Variants in CCDC171 observed in about 807,000 individuals in gnomAD.
The protein encoded by CCDC171 is coiled-coil domain-containing protein 171.
In CCDC171, 177 loss-of-function variants were observed where a neutral mutation model predicts 168.2. That is an observed-to-expected ratio of 1.05 (90% CI 0.93 to 1.19). The LOEUF is 1.19. CCDC171 is among the 50% of genes most tolerant of loss of function. The probability of loss-of-function intolerance (pLI) is 0.00; values close to 1 mark genes in which losing one functional copy is unlikely to be tolerated. For missense variants in CCDC171, 1,991 were observed against 1,539.0 expected, an observed-to-expected ratio of 1.29 and a Z score of -4.91; for synonymous variants, 687 against 540.8, an observed-to-expected ratio of 1.27 and a Z score of -3.75.
At chr9:15,657,331 T>C in intron 8 of CCDC171, 112 bp downstream of exon 8, 1 of 621,428 alleles carries the variant, frequency 1.6e-6, no homozygotes, top group Non-Finnish European at 2.9e-6. Context: ...ATGGGTAACA[T>C]ATTGTTATGA....
At chr9:15,725,221 T>C (rs2053722758) in intron 14 of CCDC171, among the ~76,000 whole-genome samples, 1 of 152,196 alleles carries the variant, frequency 6.6e-6, no homozygotes, top group African/African-American at 2.4e-5. Flanking sequence ...TTTTTGGACT[T>C]TTAGAATATT....
At chr9:15,628,329 A>T (rs1187481288) in intron 7 of CCDC171, among the ~76,000 whole-genome samples, 3 of 152,122 alleles carry the variant, frequency 2.0e-5, no homozygotes, top group Non-Finnish European at 4.4e-5. Context: ...CCACCCCAAT[A>T]CTGCGCTTTT....
intron 7 of CCDC171, among the ~76,000 whole-genome samples, chr9:15,655,468 C>T (rs1242187491): frequency 6.6e-6 from 1 of 152,142 alleles, no homozygotes; most frequent in Non-Finnish European, 1.5e-5. Context: ...CCCAGGGGTG[C>T]ATTTTCTGAA....
intron 9 of CCDC171, among the ~76,000 whole-genome samples, chr9:15,672,877 T>C (rs1422041743): frequency 6.6e-6 from 1 of 152,232 alleles, no homozygotes; most frequent in Non-Finnish European, 1.5e-5. Context: ...AGTAGTTTTT[T>C]CCAGTTCTGT....
At chr9:15,649,654 A>T (rs1424748724) in intron 7 of CCDC171, among the ~76,000 whole-genome samples, 5 of 152,206 alleles carry the variant, frequency 3.3e-5, no homozygotes, top group Non-Finnish European at 7.3e-5. Context: ...AAAAATGCTC[A>T]TCATCACTGG....
chr9:15,735,667 A>G (rs1334031939), intron 16 of CCDC171, among the ~76,000 whole-genome samples: 1 of 152,192 alleles, frequency 6.6e-6, no homozygotes, highest in Non-Finnish European at 1.5e-5. Context: ...TTAGATGTTG[A>G]AACTTTTTTC....
intron 18 of CCDC171, among the ~76,000 whole-genome samples, chr9:15,774,246 T>TAAAA (rs56239417): frequency 7.1e-4 from 27 of 38,022 alleles, no homozygotes; most frequent in Admixed American, 2.0e-3. Context: ...ACGCTGTCTT[T>TAAAA]AAAAAAAAAA....
At chr9:15,755,037 T>A (rs1282623949) in intron 18 of CCDC171, among the ~76,000 whole-genome samples, 4 of 152,186 alleles carry the variant, frequency 2.6e-5, no homozygotes, top group Non-Finnish European at 5.9e-5. Flanking sequence ...AAGTTTATTC[T>A]CTGAATAGGA....
At chr9:15,679,311 A>C (rs1377103712) in intron 10 of CCDC171, among the ~76,000 whole-genome samples, 2 of 152,154 alleles carry the variant, frequency 1.3e-5, no homozygotes, top group Non-Finnish European at 2.9e-5. Flanking sequence ...CTTTTACACC[A>C]TCACCAAGTT....
chr9:15,871,711 T>C (rs2062045576), intron 23 of CCDC171, among the ~76,000 whole-genome samples: 1 of 151,924 alleles, frequency 6.6e-6, no homozygotes. Context: ...TTTCTTACTG[T>C]TCTGTGTTGA....
At chr9:15,906,191 G>T (rs935344141) in intron 24 of CCDC171, among the ~76,000 whole-genome samples, 18 of 152,280 alleles carry the variant, frequency 1.2e-4, no homozygotes, top group African/African-American at 4.3e-4. Flanking sequence ...GCATCATCCT[G>T]ATACCAAAGC....
At chr9:15,665,390 A>G (rs1431512007) in intron 8 of CCDC171, among the ~76,000 whole-genome samples, 1 of 152,232 alleles carries the variant, frequency 6.6e-6, no homozygotes, top group Admixed American at 6.5e-5. Context: ...ATAGTAAGAA[A>G]TCTCAGGAAT....
rs542926481 is a variant in CCDC171, at chr9:15,597,692, A to G, written c.675+3520A>G. ...GTTAGGGAGGATTCCCTCTTTTTCT[A>G]TTGATTGGAATAGTTTCAGAAGGAA... On this transcript the variant is annotated intron_variant, in intron 6 of 25. Coordinates refer to ENST00000380701, the MANE Select transcript of CCDC171 (RefSeq NM_173550.4). Among the ~76,000 whole-genome samples the G allele has an allele frequency of 3.0e-4, 45 of 152,100 alleles. 1 individual carries two copies. In the South Asian group the frequency reaches 5.2e-3, roughly 18 times the overall value.
intron 23 of CCDC171, among the ~76,000 whole-genome samples, chr9:15,851,914 A>G (rs1588850405): frequency 6.6e-6 from 1 of 151,868 alleles, no homozygotes; most frequent in Non-Finnish European, 1.5e-5. Flanking sequence ...TTGATACGTC[A>G]TACCCTTTTA....
intron 10 of CCDC171, among the ~76,000 whole-genome samples, chr9:15,689,942 C>G (rs2050673321): frequency 6.6e-6 from 1 of 152,074 alleles, no homozygotes; most frequent in Non-Finnish European, 1.5e-5. Context: ...TAAGTCAATT[C>G]AGTGGGGGAA....
chr9:15,598,561 A>C (rs1351885977), intron 6 of CCDC171, among the ~76,000 whole-genome samples: 1 of 152,148 alleles, frequency 6.6e-6, no homozygotes, highest in Non-Finnish European at 1.5e-5. Flanking sequence ...GGAGTGCTTT[A>C]CTTCCAACTA....
At chr9:15,830,071 G>T (rs867274504) in intron 21 of CCDC171, among the ~76,000 whole-genome samples, 4 of 152,196 alleles carry the variant, frequency 2.6e-5, no homozygotes, top group Middle Eastern at 3.2e-3. Flanking sequence ...ATTCATGTCA[G>T]TGTTCCTCAA....
intron 23 of CCDC171, among the ~76,000 whole-genome samples, chr9:15,871,359 A>G (rs1352091962): frequency 6.6e-6 from 1 of 151,882 alleles, no homozygotes; most frequent in Non-Finnish European, 1.5e-5. Context: ...TGTATTATAA[A>G]CATAATTAAA....
chr9:16,077,754 G>A, the CCDC171 span, among the ~76,000 whole-genome samples: 7 of 152,266 alleles, frequency 4.6e-5, no homozygotes, highest in South Asian at 4.1e-4. Context: ...GTGTGGTTGC[G>A]TTTGCAATGC....
Sources: allele counts gnomAD v4.1 joint callset (sites outside exome capture counted in the v4.1 genomes callset), GRCh38; gene constraint gnomAD v4.1.1; transcripts MANE v1.5; gene names NCBI Gene and HGNC (gene_info 2026-07-23, HGNC 2026-07-21).